The following FCHO2 variants were observed in gnomAD, a reference collection of about 807,000 sequenced individuals.
The protein encoded by FCHO2 is FCH and mu domain containing endocytic adaptor 2.
FCHO2 carries 43 observed loss-of-function variants against 114.1 expected under a neutral mutation model. The observed-to-expected ratio is 0.38, with a 90% confidence interval of 0.30 to 0.49. The LOEUF (loss-of-function observed/expected upper bound fraction) is 0.49, where lower values mean the gene tolerates loss of function less well. Among genes scored for constraint, FCHO2 ranks in the 20% least tolerant of loss-of-function variants. FCHO2 has a pLI of 0.97. For missense variants in FCHO2, 807 were observed against 950.4 expected, an observed-to-expected ratio of 0.85 and a Z score of 1.98; for synonymous variants, 293 against 315.2, an observed-to-expected ratio of 0.93 and a Z score of 0.75.
At chr5:72,959,323 A>G (rs955894774) in intron 1 of FCHO2, among the ~76,000 whole-genome samples, 1 of 152,202 alleles carries the variant, frequency 6.6e-6, no homozygotes, top group Admixed American at 6.5e-5. Flanking sequence ...CCTGGGCAAC[A>G]CAGTAGACCT....
At position 72,962,525 on chromosome 5, in the gene FCHO2, A is replaced by G. The variant is rs76685085; in HGVS notation, c.34-5973A>G. 3.6e-3 allele frequency among the ~76,000 whole-genome samples: 543 copies of G among 152,328 alleles called. 5 individuals carry two copies. The highest frequency in any genetic ancestry group is 0.013 in the African/African-American group (528 of 41,586). ...CACCCTTAGAAATTCAAATGGAAAT[A>G]GGATCCCATGGAAACTTAAAAAGGA... On this transcript the variant is annotated intron_variant, in intron 1 of 25. Transcript: ENST00000430046.
chr5:73,038,339 T>G (rs1319024566), intron 10 of FCHO2, among the ~76,000 whole-genome samples: 1 of 152,204 alleles, frequency 6.6e-6, no homozygotes, highest in Non-Finnish European at 1.5e-5. Context: ...TACCTGGGGT[T>G]AAGAATCTTT....
At chr5:72,997,516 C>T (rs1227868991) in intron 5 of FCHO2, 1 of 1,418,350 alleles carries the variant, frequency 7.1e-7, no homozygotes. Context: ...CCATCACCAT[C>T]AAATCCTGGT....
intron 2 of FCHO2, among the ~76,000 whole-genome samples, chr5:72,978,825 C>T (rs1753022558): frequency 1.3e-5 from 2 of 151,950 alleles, no homozygotes; most frequent in African/African-American, 4.8e-5. Flanking sequence ...TGAAGTGGTG[C>T]TGAATTTTGT....
intron 2 of FCHO2, among the ~76,000 whole-genome samples, chr5:72,978,191 A>G (rs777517656): frequency 1.3e-5 from 2 of 152,154 alleles, no homozygotes; most frequent in African/African-American, 4.8e-5. Flanking sequence ...TCTATAAATT[A>G]CTTTGGGCAG....
intron 5 of FCHO2, among the ~76,000 whole-genome samples, chr5:72,998,797 T>G (rs1754269866): frequency 6.6e-6 from 1 of 151,488 alleles, no homozygotes; most frequent in Non-Finnish European, 1.5e-5. Flanking sequence ...ACAAGTTTAA[T>G]GTAATGATTT....
chr5:73,028,735 C>T (rs1756074457), intron 8 of FCHO2, among the ~76,000 whole-genome samples: 1 of 149,864 alleles, frequency 6.7e-6, no homozygotes, highest in African/African-American at 2.5e-5. Flanking sequence ...ACTGCAACCT[C>T]CACCTCCCAG....
rs918066143 is a variant in FCHO2 at position 73,056,071 on chromosome 5, A to G, written c.1217A>G (p.Glu406Gly). The change falls in exon 16 of 26, where the codon GAG becomes GGG. Residue 406 changes from glutamate to glycine, a missense_variant. Transcript: ENST00000430046. ...VQMNRNLSNE[E>G]LTKSKPSAPP... ...ATTTTAATTTTTTAATTAGATGAGG[A>G]GTTAACAAAATCAAAGCCATCTGCT... The G allele has an allele frequency of 6.6e-7, 1 of 1,516,380 alleles. No homozygotes were observed. Among genetic ancestry groups the G allele is most frequent in the Admixed American group, 2.3e-5 (1 of 44,052 alleles). 93.9% of individuals were successfully genotyped at this position (1,516,380 alleles called of 1,614,324 possible).
rs200649429 is a variant in FCHO2, at chr5:72,973,532, TG to T, written c.125+4946del. 7.7e-3 allele frequency among the ~76,000 whole-genome samples: 1,178 copies of T among 152,218 alleles called. 10 individuals carry two copies. Among genetic ancestry groups the T allele is most frequent in the African/African-American group, 0.027 (1,119 of 41,548 alleles). ...TCTCTGATGGTAGTTTGTATTTCTG[TG>T]GGATCGGTGGTGATATCCCCTTTAT... On this transcript the variant is annotated intron_variant, in intron 2 of 25. Coordinates refer to ENST00000430046, the MANE Select transcript of FCHO2 (RefSeq NM_138782.3).
rs371860690 is a variant in FCHO2 at position 72,989,511 on chromosome 5, T to C, written c.200+10T>C. 8.8e-6 allele frequency: 14 copies of C among 1,587,590 alleles called. No individual in the cohort carries two copies. In the African/African-American group the frequency reaches 1.5e-4, roughly 17 times the overall value. ...ATTATTCACAACTTGGGTGAGTTAA[T>C]TTCTTCCTCTTTTTCAGTGTTTATT... is the stretch of plus-strand genomic sequence containing the variant. On this transcript the variant is annotated intron_variant, in intron 3 of 25. Coordinates refer to ENST00000430046, the MANE Select transcript of FCHO2 (RefSeq NM_138782.3).
intron 8 of FCHO2, 102 bp downstream of exon 8, chr5:73,017,410 A>T: frequency 1.7e-6 from 1 of 585,044 alleles, no homozygotes. Flanking sequence ...TTTTAACTTT[A>T]TATCACATAT....
At chr5:73,051,909 C>A (rs1757355991) in intron 12 of FCHO2, among the ~76,000 whole-genome samples, 1 of 151,624 alleles carries the variant, frequency 6.6e-6, no homozygotes, top group Non-Finnish European at 1.5e-5. Flanking sequence ...AGTCTTATTT[C>A]TGTTAAGGTC....
At chr5:72,991,665 A>G (rs1753820034) in intron 5 of FCHO2, among the ~76,000 whole-genome samples, 1 of 152,120 alleles carries the variant, frequency 6.6e-6, no homozygotes, top group Admixed American at 6.5e-5. Flanking sequence ...CAGTTTAACC[A>G]TTTACTTATT....
intron 19 of FCHO2, among the ~76,000 whole-genome samples, 175 bp downstream of exon 19, chr5:73,068,954 CTA>C (rs1380770614): frequency 6.6e-6 from 1 of 152,024 alleles, no homozygotes; most frequent in Non-Finnish European, 1.5e-5. Context: ...GTTTCACAGT[CTA>C]TGTTATCTGG....
At chr5:72,997,054 C>A in intron 5 of FCHO2, 1 of 1,310,022 alleles carries the variant, frequency 7.6e-7, no homozygotes, top group Non-Finnish European at 1.1e-6. Context: ...ATGATATCAT[C>A]CCCTTATCTT....
chr5:72,956,343 C>T (rs979155865), intron 1 of FCHO2, among the ~76,000 whole-genome samples: 1 of 151,658 alleles, frequency 6.6e-6, no homozygotes, highest in Non-Finnish European at 1.5e-5. Context: ...GGGCTGTCAC[C>T]GCGGCCCGGG....
chr5:73,088,227 A>G lies in FCHO2; in HGVS notation c.*137A>G. 1 of 1,136,826 alleles carries G rather than the reference A, an allele frequency of 8.8e-7. No homozygotes were observed. The highest frequency in any genetic ancestry group is 1.3e-6 in the Non-Finnish European group (1 of 781,424). The allele number at this position is 1,136,826 out of a possible 1,614,324, so 70.4% of individuals were successfully genotyped here. On this transcript the variant is annotated 3_prime_UTR_variant, in exon 26 of 26. Coordinates refer to ENST00000430046, the MANE Select transcript of FCHO2 (RefSeq NM_138782.3). ...TTTGAGAGCTGACTACAAACATTAA[A>G]TCGCACTTTTAAAGTGAGTCATTGA...
At chr5:73,055,589 C>T (rs1291600878) in intron 15 of FCHO2, among the ~76,000 whole-genome samples, 1 of 152,196 alleles carries the variant, frequency 6.6e-6, no homozygotes, top group African/African-American at 2.4e-5. Flanking sequence ...TATAAAGAGA[C>T]TTGCTCCAGG....
chr5:73,057,818 T>C (rs1237819934), intron 16 of FCHO2, among the ~76,000 whole-genome samples: 3 of 152,166 alleles, frequency 2.0e-5, no homozygotes, highest in Non-Finnish European at 4.4e-5. Flanking sequence ...GCTGAAATTA[T>C]TATTCCCATT....
Sources: allele counts gnomAD v4.1 joint callset (sites outside exome capture counted in the v4.1 genomes callset), GRCh38; gene constraint gnomAD v4.1.1; transcripts MANE v1.5; gene names NCBI Gene and HGNC (gene_info 2026-07-23, HGNC 2026-07-21).